Variants in DNAAF2 observed in about 807,000 individuals in gnomAD.
The protein encoded by DNAAF2 is dynein axonemal assembly factor 2.
Under a neutral mutation model 48.8 loss-of-function variants are expected in DNAAF2, and 58 were observed. That is an observed-to-expected ratio of 1.19 (90% confidence interval 0.96 to 1.48). DNAAF2 has a LOEUF of 1.48. Among genes scored for constraint, DNAAF2 ranks in the 40% most tolerant of loss-of-function variants. The pLI, the probability that DNAAF2 is intolerant of heterozygous loss-of-function variation, is 0.00. For missense variants in DNAAF2, 1,241 were observed against 1,116.1 expected, an observed-to-expected ratio of 1.11 and a Z score of -1.59; for synonymous variants, 567 against 481.2, an observed-to-expected ratio of 1.18 and a Z score of -2.33.
chr14:49,634,742 G>A lies in DNAAF2; in HGVS notation c.408C>T (p.Ser136=). Residue 136 remains serine (S), a synonymous_variant, in exon 1 of 3, where the codon AGC becomes AGT. Coordinates refer to ENST00000298292, the MANE Select transcript of DNAAF2 (RefSeq NM_018139.3). ...APGREYAGRS[S]SRYMVYDVVF... ...CCACGTCGTAGACCATGTAGCGGCTGCTGCTGCGCCCCGCGTACTCGCGGC... is the reference window on the plus strand; with the variant it reads ...CCACGTCGTAGACCATGTAGCGGCTACTGCTGCGCCCCGCGTACTCGCGGC... 1 of 1,603,564 alleles carries A rather than the reference G, an allele frequency of 6.2e-7. No individual in the cohort carries two copies. The highest frequency in any genetic ancestry group is 1.7e-5 in the Admixed American group (1 of 59,544).
In DNAAF2 at chr14:49,634,643, CA is replaced by C; in HGVS notation, c.506del (p.Leu169ArgfsTer10). ...CGCCGAACTGCTTCTCGACGGCCTC[CA>C]GGGCCGTGGCGTCCAGCATCTGGCG... ...GFRQMLDATA[L>X]EAVEKQFGVK... On this transcript the variant is annotated frameshift_variant, in exon 1 of 3. Coordinates refer to ENST00000298292, the MANE Select transcript of DNAAF2 (RefSeq NM_018139.3). LOFTEE classifies it high-confidence loss of function. The C allele has an allele frequency of 6.2e-7, 1 of 1,607,348 alleles. No homozygotes were observed. Among genetic ancestry groups the C allele is most frequent in the Non-Finnish European group, 8.5e-7 (1 of 1,179,722 alleles).
Position 49,631,851 on chromosome 14 carries a change from T to A in DNAAF2, c.1863+1436A>T, listed in dbSNP as rs543813905. Among the ~76,000 whole-genome samples, 7 of 152,334 alleles carry A rather than the reference T, an allele frequency of 4.6e-5. No individual in the cohort carries two copies. The South Asian group carries it at 1.5e-3, about 32-fold the overall frequency. On this transcript the variant is annotated intron_variant, in intron 1 of 2. Coordinates refer to ENST00000298292, the MANE Select transcript of DNAAF2 (RefSeq NM_018139.3). The stretch of plus-strand genomic sequence containing the variant: ...TTATTTTCATGTAATGCATATAATA[T>A]TATCATTATATATGTTCCACTACTC...
At chr14:49,627,196 A>G (rs1395275470) in intron 2 of DNAAF2, among the ~76,000 whole-genome samples, 2 of 152,210 alleles carry the variant, frequency 1.3e-5, no homozygotes, top group Non-Finnish European at 2.9e-5. Context: ...AACATGGTCT[A>G]CAAAACTATT....
In DNAAF2 at chr14:49,632,940, G is replaced by T. The variant is rs368268427; in HGVS notation, c.1863+347C>A. 2.4e-4 allele frequency among the ~76,000 whole-genome samples: 35 copies of T among 148,828 alleles called. No homozygotes were observed. In the East Asian group the frequency reaches 6.2e-3, roughly 26 times the overall value. On this transcript the variant is annotated intron_variant, in intron 1 of 2. Coordinates refer to ENST00000298292, the MANE Select transcript of DNAAF2 (RefSeq NM_018139.3). ...GTTTTTTTTTTTGTTTTTTGTTTTTGAGACGGAGTCTCCCTCTGTCGCCCA... is the reference window on the plus strand; with the variant it reads ...GTTTTTTTTTTTGTTTTTTGTTTTTTAGACGGAGTCTCCCTCTGTCGCCCA...
rs1301786571 is a variant in DNAAF2, at chr14:49,634,289, G to A, written c.861C>T (p.Ile287=). The change falls in exon 1 of 3, where the codon ATC becomes ATT. Residue 287 remains isoleucine (I), a synonymous_variant. Transcript: ENST00000298292. ...CGGCCGAGCGCAACAGCGGCAGTTC[G>A]ATGGTGATCACCAGCTCATGGGGCA... ...SPVPHELVIT[I]ELPLLRSAEQ... 2.5e-6 allele frequency: 4 copies of A among 1,612,026 alleles called. No individual in the cohort carries two copies. Among genetic ancestry groups the A allele is most frequent in the Non-Finnish European group, 3.4e-6 (4 of 1,179,800 alleles).
chr14:49,629,441 T>C (rs1594604692), intron 1 of DNAAF2: 1 of 152,114 alleles, frequency 6.6e-6, no homozygotes, highest in Non-Finnish European at 1.5e-5. Context: ...CATGCCATAA[T>C]GCCCAGCTAA....
In DNAAF2 at chr14:49,633,314, A is replaced by G. The variant is rs1431308297; in HGVS notation, c.1836T>C (p.Tyr612=). The change falls in exon 1 of 3, where the codon TAT becomes TAC. Residue 612 remains tyrosine, a synonymous_variant. Transcript: ENST00000298292. ...CCAAAGAATCGTTGTTTACACCATA[A>G]TACCACTCTCTCCAATGTCCATGGC... ...PESHGHWREW[Y]YGVNNDSLEE... 1 of 1,613,998 alleles carries G rather than the reference A, an allele frequency of 6.2e-7. No homozygotes were observed. The highest frequency in any genetic ancestry group is 8.5e-7 in the Non-Finnish European group (1 of 1,179,862).
rs373609074 is a variant in DNAAF2 at position 49,635,157 on chromosome 14, T to G, written c.-8A>C. 1 of 1,554,684 alleles carries G rather than the reference T, an allele frequency of 6.4e-7. No individual in the cohort carries two copies. Among genetic ancestry groups the G allele is most frequent in the Admixed American group, 1.9e-5 (1 of 51,536 alleles). On this transcript the variant is annotated 5_prime_UTR_variant, in exon 1 of 3. Coordinates refer to ENST00000298292, the MANE Select transcript of DNAAF2 (RefSeq NM_018139.3). ...GGCCGCCGCTTTGGCCATACTGTCCTGTGGCTCCTCGCCCTCGGGCCAAAG... is the reference window on the plus strand; with the variant it reads ...GGCCGCCGCTTTGGCCATACTGTCCGGTGGCTCCTCGCCCTCGGGCCAAAG...
Position 49,633,970 on chromosome 14 carries a change from G to A in DNAAF2, c.1180C>T (p.Arg394Cys), listed in dbSNP as rs769705567. 6.6e-7 allele frequency: 1 copy of A among 1,526,482 alleles called. No homozygotes were observed. Among genetic ancestry groups the A allele is most frequent in the Non-Finnish European group, 8.7e-7 (1 of 1,143,162 alleles). 94.6% of individuals were successfully genotyped at this position (1,526,482 alleles called of 1,614,324 possible). ...GTATCGTGGCCTCCGTCCTCCGCGC[G>A]ACTCCTCGCGGGTCCCGCCTCCCCC... ...REGEAGPARS[R>C]AEDGGHDTCV... The change falls in exon 1 of 3, where the codon CGC (arginine) becomes TGC (cysteine). Residue 394 changes from arginine to cysteine, a missense_variant. Transcript: ENST00000298292.
rs368961585 is a variant in DNAAF2 at position 49,633,749 on chromosome 14, G to A, written c.1401C>T (p.Ser467=). The change falls in exon 1 of 3, where the codon TCC becomes TCT. Residue 467 remains serine, a synonymous_variant. Transcript: ENST00000298292. ...CCAGGCTCCGGGAGGACAAACAAGG[G>A]GAGCCTCCGCCACCAGGTGAGTTTT... The part of the protein sequence containing the change: ...GGENSPGGGG[S]PCLSSRSLAW... 1.2e-4 allele frequency: 192 copies of A among 1,592,566 alleles called. No individual in the cohort carries two copies. The highest frequency in any genetic ancestry group is 1.6e-4 in the Non-Finnish European group (183 of 1,171,716).
rs180701543 is a variant in DNAAF2, at chr14:49,626,413, C to T, written c.2008-365G>A. On this transcript the variant is annotated intron_variant, in intron 2 of 2. Coordinates refer to ENST00000298292, the MANE Select transcript of DNAAF2 (RefSeq NM_018139.3). ...CTGAGGCAGAAGAATCACTTGAACCCGGGAGGTGGAGGTTGCACTGGGCCG... is the reference window on the plus strand; with the variant it reads ...CTGAGGCAGAAGAATCACTTGAACCTGGGAGGTGGAGGTTGCACTGGGCCG... 3.7e-3 allele frequency among the ~76,000 whole-genome samples: 557 copies of T among 152,218 alleles called. 1 individual carries two copies. The highest frequency in any genetic ancestry group is 5.7e-3 in the Non-Finnish European group (385 of 68,016).
Position 49,634,643 on chromosome 14 carries a change from C to G in DNAAF2, c.507G>C (p.Leu169=), listed in dbSNP as rs1008254325. The G allele has an allele frequency of 1.2e-6, 2 of 1,607,232 alleles. No individual in the cohort carries two copies. Among genetic ancestry groups the G allele is most frequent in the African/African-American group, 1.3e-5 (1 of 74,946 alleles). The part of the protein sequence containing the change: ...GFRQMLDATA[L]EAVEKQFGVK... ...CGCCGAACTGCTTCTCGACGGCCTC[C>G]AGGGCCGTGGCGTCCAGCATCTGGC... Residue 169 remains leucine (L), a synonymous_variant, in exon 1 of 3, where the codon CTG becomes CTC. Transcript: ENST00000298292.
chr14:49,628,775 A>G (rs1448707844), intron 1 of DNAAF2, among the ~76,000 whole-genome samples: 1 of 152,042 alleles, frequency 6.6e-6, no homozygotes, highest in East Asian at 1.9e-4. Context: ...TTTCAGAAGA[A>G]TAACATCATC....
In DNAAF2 at chr14:49,633,953, G is replaced by T; in HGVS notation, c.1197C>A (p.Gly399=). ...CAGCCCCAGCCACGCAGGTATCGTG[G>T]CCTCCGTCCTCCGCGCGACTCCTCG... is the stretch of plus-strand genomic sequence containing the variant. ...GPARSRAEDG[G]HDTCVAGAAG... Residue 399 remains glycine, a synonymous_variant, in exon 1 of 3, where the codon GGC becomes GGA. Transcript: ENST00000298292. The T allele has an allele frequency of 1.3e-6, 2 of 1,529,790 alleles. No individual in the cohort carries two copies. The highest frequency in any genetic ancestry group is 1.7e-6 in the Non-Finnish European group (2 of 1,144,688). 94.8% of individuals were successfully genotyped at this position (1,529,790 alleles called of 1,614,324 possible).
intron 1 of DNAAF2, among the ~76,000 whole-genome samples, chr14:49,630,412 T>C (rs1455086260): frequency 6.6e-6 from 1 of 152,014 alleles, no homozygotes; most frequent in Non-Finnish European, 1.5e-5. Flanking sequence ...AGAATAACCA[T>C]ATTAACCATA....
Position 49,628,170 on chromosome 14 carries a change from G to T in DNAAF2, c.1864-15C>A, listed in dbSNP as rs765407908. On this transcript the variant is annotated splice_polypyrimidine_tract_variant and intron_variant, in intron 1 of 2. Coordinates refer to ENST00000298292, the MANE Select transcript of DNAAF2 (RefSeq NM_018139.3). ...AATAACCTTTCCTAAAATAAAAAGG[G>T]AAAAAATATTCTGCCTAATAAGTCC... 6.4e-7 allele frequency: 1 copy of T among 1,559,436 alleles called. No homozygotes were observed.
chr14:49,634,040 C>A lies in DNAAF2; in HGVS notation c.1110G>T (p.Ala370=), dbSNP rs886038643. 4 of 1,519,672 alleles carry A rather than the reference C, an allele frequency of 2.6e-6. No homozygotes were observed. The highest frequency in any genetic ancestry group is 1.2e-5 in the South Asian group (1 of 80,492). 94.1% of individuals were successfully genotyped at this position (1,519,672 alleles called of 1,614,324 possible). Residue 370 remains alanine (A), a synonymous_variant, in exon 1 of 3, where the codon GCG becomes GCT. Transcript: ENST00000298292. ...AVAAAAPEES[A]DRSGTDGQAC... ...CCTGGCCGTCAGTTCCGGACCGGTC[C>A]GCGGACTCTTCCGGCGCGGCGGCGG...
rs1882970588 is a variant in DNAAF2 at position 49,625,300 on chromosome 14, C to T, written c.*242G>A. ...TTTTAACTCTCAAATAGAAAACATA[C>T]ACATCTATTACAGGAATCACAAAAC... On this transcript the variant is annotated 3_prime_UTR_variant, in exon 3 of 3. Transcript: ENST00000298292. 3.8e-6 allele frequency: 1 copy of T among 263,648 alleles called. No homozygotes were observed. The highest frequency in any genetic ancestry group is 2.2e-5 in the African/African-American group (1 of 44,906). 16.3% of individuals were successfully genotyped at this position (263,648 alleles called of 1,614,324 possible). A position where few individuals can be genotyped will look rare whatever the true frequency, so the allele number is the denominator to read the frequency against.
At chr14:49,631,951 G>C (rs1358486546) in intron 1 of DNAAF2, among the ~76,000 whole-genome samples, 1 of 152,102 alleles carries the variant, frequency 6.6e-6, no homozygotes, top group African/African-American at 2.4e-5. Context: ...ACATGCTGTT[G>C]TTCCATCAGC....
Sources: allele counts gnomAD v4.1 joint callset (sites outside exome capture counted in the v4.1 genomes callset), GRCh38; gene constraint gnomAD v4.1.1; transcripts MANE v1.5; gene names NCBI Gene and HGNC (gene_info 2026-07-23, HGNC 2026-07-21).